EHBP1: variants seen among roughly 807,000 people sequenced by gnomAD.
EHBP1 encodes EH domain binding protein 1, also known as EH domain-binding protein 1.
A neutral mutation model predicts 144.0 loss-of-function variants in EHBP1; 55 were observed. The ratio of observed to expected loss-of-function variants is 0.38; its 90% CI spans 0.31 to 0.48. The LOEUF (loss-of-function observed/expected upper bound fraction) is 0.48. Among genes scored for constraint, EHBP1 ranks in the 20% least tolerant of loss-of-function variants. The pLI, the probability that EHBP1 is intolerant of heterozygous loss-of-function variation, is 0.98. For synonymous variants in EHBP1, 469 were observed against 472.7 expected, an observed-to-expected ratio of 0.99 and a Z score of 0.10; for missense variants, 1,200 against 1,364.2, an observed-to-expected ratio of 0.88 and a Z score of 1.90.
chr2:62,674,738 C>T (rs959599237), intron 1 of EHBP1, among the ~76,000 whole-genome samples: 8 of 152,166 alleles, frequency 5.3e-5, no homozygotes, highest in Admixed American at 1.3e-4. Flanking sequence ...TTATTGTTAT[C>T]AGAGAATTTT....
chr2:62,837,143 G>T (rs200902916), intron 7 of EHBP1, among the ~76,000 whole-genome samples: 1 of 146,646 alleles, frequency 6.8e-6, no homozygotes, highest in Non-Finnish European at 1.5e-5. Flanking sequence ...CGGATCTCTC[G>T]GCAGAAACCC....
rs1258605408 is a variant in EHBP1, at chr2:63,045,438, C to T, written c.3421C>T (p.Arg1141Ter). The change falls in exon 23 of 23, where the codon CGA becomes TGA. Residue 1141 changes from arginine to a stop codon, truncating the protein, a stop_gained. Transcript: ENST00000431489. LOFTEE classifies it high-confidence loss of function. This position sits in a 1 kb window ranked among gnomAD's most constrained non-coding sequence, Gnocchi z 5.7. ...QAEEEDEHLE[R>*]TLEQNKGKMA... ...CGAAGAAGAAGATGAGCATTTGGAGCGAACTCTGGAGCAAAACAAAGGCAA... is the reference window on the plus strand; with the variant it reads ...CGAAGAAGAAGATGAGCATTTGGAGTGAACTCTGGAGCAAAACAAAGGCAA... The T allele has an allele frequency of 1.2e-6, 2 of 1,613,964 alleles. No homozygotes were observed. The highest frequency in any genetic ancestry group is 2.2e-5 in the East Asian group (1 of 44,884).
At chr2:62,703,721 A>G (rs956832649), upstream of EHBP1, among the ~76,000 whole-genome samples, 1 of 152,198 alleles carries the variant, frequency 6.6e-6, no homozygotes, top group Non-Finnish European at 1.5e-5. Flanking sequence ...ATTTTCCACA[A>G]CTTGAGGAAG....
intron 5 of EHBP1, among the ~76,000 whole-genome samples, chr2:62,806,601 A>C (rs1191535380): frequency 6.6e-6 from 1 of 152,052 alleles, no homozygotes; most frequent in Non-Finnish European, 1.5e-5. Context: ...GGGTTCAAGC[A>C]ATCCTCTTGC....
chr2:62,938,763 C>T (rs1320399395), intron 10 of EHBP1, among the ~76,000 whole-genome samples: 1 of 151,048 alleles, frequency 6.6e-6, no homozygotes, highest in African/African-American at 2.4e-5. Flanking sequence ...CATAGAATAT[C>T]TAGGTGTCAA....
At position 62,841,257 on chromosome 2, in the gene EHBP1, G is replaced by A. The variant is rs372040439; in HGVS notation, c.634+10099G>A. 2.1e-4 allele frequency among the ~76,000 whole-genome samples: 31 copies of A among 148,310 alleles called. No individual in the cohort carries two copies. In the East Asian group the frequency reaches 4.0e-3, roughly 19 times the overall value. On this transcript the variant is annotated intron_variant, in intron 7 of 22. Transcript: ENST00000431489. ...TCGCAAGATCAAAAAACCAAACACCGCATATTCTCACTCATAGGTGGGAAC... is the reference window on the plus strand; with the variant it reads ...TCGCAAGATCAAAAAACCAAACACCACATATTCTCACTCATAGGTGGGAAC...
chr2:62,796,567 A>G (rs539806429), intron 5 of EHBP1, among the ~76,000 whole-genome samples: 48 of 152,338 alleles, frequency 3.2e-4, no homozygotes, highest in African/African-American at 1.1e-3. Flanking sequence ...CTTTCCACAC[A>G]TAAAACGTAA....
chr2:62,684,810 G>A (rs2033663203), intron 1 of EHBP1, among the ~76,000 whole-genome samples: 1 of 152,204 alleles, frequency 6.6e-6, no homozygotes, highest in Non-Finnish European at 1.5e-5. Flanking sequence ...GGGAGGGAGA[G>A]AGGAAAAGAA....
At chr2:62,715,425 C>T (rs2035579430) in intron 2 of EHBP1, among the ~76,000 whole-genome samples, 1 of 151,650 alleles carries the variant, frequency 6.6e-6, no homozygotes, top group Non-Finnish European at 1.5e-5. Flanking sequence ...AGTCACCGTG[C>T]CAAGCCATTT....
At chr2:62,696,173 T>TCTTG (rs1459545721) in intron 1 of EHBP1, among the ~76,000 whole-genome samples, 1 of 149,468 alleles carries the variant, frequency 6.7e-6, no homozygotes, top group Non-Finnish European at 1.5e-5. Context: ...TCTCTTTCTT[T>TCTTG]CTTTCTTTGC....
At chr2:62,861,009 G>A (rs976583187) in intron 8 of EHBP1, among the ~76,000 whole-genome samples, 1 of 151,386 alleles carries the variant, frequency 6.6e-6, no homozygotes, top group African/African-American at 2.4e-5. Flanking sequence ...TTAAAAACTT[G>A]CAGCCTCAAA....
rs2047844970 is a variant in EHBP1 at position 62,841,367 on chromosome 2, C to A, written c.634+10209C>A. On this transcript the variant is annotated intron_variant, in intron 7 of 22. Transcript: ENST00000431489. Reference sequence around the variant, plus strand: ...GGGTGGGGGGAGGGGGGAGGGATAGCATTGGGAGATATACCTAATGCTAGA... The same window carrying A: ...GGGTGGGGGGAGGGGGGAGGGATAGAATTGGGAGATATACCTAATGCTAGA... Among the ~76,000 whole-genome samples the A allele has an allele frequency of 6.0e-5, 9 of 150,210 alleles. No homozygotes were observed. The South Asian group carries it at 1.9e-3, about 32-fold the overall frequency.
chr2:62,698,868 T>C (rs988972851), intron 1 of EHBP1, among the ~76,000 whole-genome samples: 5 of 152,216 alleles, frequency 3.3e-5, no homozygotes, highest in South Asian at 2.1e-4. Flanking sequence ...CTTTGAAAGC[T>C]GGGTTTATTT....
At chr2:62,934,777 A>C (rs1251310267) in intron 10 of EHBP1, among the ~76,000 whole-genome samples, 1 of 152,210 alleles carries the variant, frequency 6.6e-6, no homozygotes, top group East Asian at 1.9e-4. Context: ...TAGTTTATTC[A>C]TAGGCCTTCG....
At chr2:62,730,231 A>G (rs2037378303) in intron 2 of EHBP1, among the ~76,000 whole-genome samples, 1 of 152,052 alleles carries the variant, frequency 6.6e-6, no homozygotes, top group African/African-American at 2.4e-5. Context: ...TAATAATGAC[A>G]TGATTCCACC....
chr2:62,949,669 C>T (rs988400709), intron 13 of EHBP1, among the ~76,000 whole-genome samples: 1 of 152,036 alleles, frequency 6.6e-6, no homozygotes, highest in African/African-American at 2.4e-5. Flanking sequence ...TTAAATATTT[C>T]CCATTTAAAA....
At chr2:62,979,060 T>C (rs2058841148) in intron 14 of EHBP1, 128 bp from the exon 15 acceptor site, 3 of 792,314 alleles carry the variant, frequency 3.8e-6, no homozygotes, top group South Asian at 3.0e-5. Context: ...CCAACTGATA[T>C]AGAGCATCCT....
At chr2:62,990,886 C>T (rs2059387504) in intron 16 of EHBP1, 46 bp downstream of exon 16, 1 of 1,541,238 alleles carries the variant, frequency 6.5e-7, no homozygotes, top group South Asian at 1.3e-5. Flanking sequence ...TCTGTGTCTT[C>T]TAGTTTCTGC....
At chr2:62,753,564 G>A (rs1424949558) in intron 3 of EHBP1, among the ~76,000 whole-genome samples, 1 of 152,008 alleles carries the variant, frequency 6.6e-6, no homozygotes, top group Admixed American at 6.6e-5. Flanking sequence ...GCTAGGTTGG[G>A]GCAGTTCTCC....
Sources: gnomAD v4.1 joint callset for allele counts (sites outside exome capture counted in the v4.1 genomes callset) on GRCh38, gnomAD v4.1.1 for gene constraint, Gnocchi (gnomAD v3.1) non-coding constraint, MANE v1.5 for transcripts, NCBI Gene and HGNC (gene_info 2026-07-23, HGNC 2026-07-21) for gene names.